DHDDS: variants seen among roughly 807,000 people sequenced by gnomAD.
DHDDS encodes dehydrodolichyl diphosphate synthase subunit, also known as dehydrodolichyl diphosphate synthase complex subunit DHDDS.
DHDDS carries 16 observed loss-of-function variants against 46.2 expected under a neutral mutation model. That is an observed-to-expected ratio of 0.35 (90% CI 0.23 to 0.53). The LOEUF is 0.53. Among genes scored for constraint, DHDDS ranks in the 20% least tolerant of loss-of-function variants. DHDDS has a pLI of 0.94. For missense variants in DHDDS, 340 were observed against 423.7 expected (o/e 0.80, Z 1.73); for synonymous variants, 151 against 163.1 (o/e 0.93, Z 0.56).
chr1:26,456,835 T>C (rs2075374268), intron 6 of DHDDS, among the ~76,000 whole-genome samples: 1 of 152,272 alleles, frequency 6.6e-6, no homozygotes, highest in African/African-American at 2.4e-5. Context: ...TGTATACTTA[T>C]ATGCACGTGT....
intron 6 of DHDDS, among the ~76,000 whole-genome samples, chr1:26,448,924 A>G (rs1050678255): frequency 1.3e-5 from 2 of 152,304 alleles, no homozygotes; most frequent in South Asian, 4.1e-4. Flanking sequence ...CTAGGAAACT[A>G]GATTAAAAAT....
At chr1:26,468,068 C>T (rs1487515829) in intron 8 of DHDDS, among the ~76,000 whole-genome samples, 1 of 152,220 alleles carries the variant, frequency 6.6e-6, no homozygotes, top group African/African-American at 2.4e-5. Context: ...ATGATCACCA[C>T]CTGGTGTCAG....
chr1:26,449,661 C>T (rs994833848), intron 6 of DHDDS, among the ~76,000 whole-genome samples: 6 of 151,990 alleles, frequency 3.9e-5, no homozygotes, highest in African/African-American at 1.4e-4. Flanking sequence ...TGGGCTCAAG[C>T]GATTCTTCTG....
chr1:26,468,820 C>G (rs1462482862), intron 8 of DHDDS, 75 bp from the exon 9 acceptor site: 2 of 1,536,134 alleles, frequency 1.3e-6, no homozygotes, highest in South Asian at 2.3e-5. Context: ...TGCCCCACCC[C>G]CTACCTCCTC....
At chr1:26,457,998 C>T (rs1410555018) in intron 7 of DHDDS, 93 bp downstream of exon 7, 34 of 1,079,062 alleles carry the variant, frequency 3.2e-5, no homozygotes, top group Non-Finnish European at 4.5e-5. Context: ...CACTCCCAAA[C>T]AGGCTGGGGC....
Position 26,442,726 on chromosome 1 carries a change from C to G in DHDDS, c.181-5C>G. The G allele has an allele frequency of 6.2e-7, 1 of 1,614,164 alleles. No individual in the cohort carries two copies. Among genetic ancestry groups the G allele is most frequent in the East Asian group, 2.2e-5 (1 of 44,884 alleles). Reference sequence around the variant, plus strand: ...ATCCTAGCTCCTTGCCTTCTCCCCTCTCAGACTCTGCGGTGGTGTTTGAAC... The same window carrying G: ...ATCCTAGCTCCTTGCCTTCTCCCCTGTCAGACTCTGCGGTGGTGTTTGAAC... On this transcript the variant is annotated splice_polypyrimidine_tract_variant and splice_region_variant and intron_variant, in intron 3 of 8. Transcript: ENST00000236342.
intron 6 of DHDDS, among the ~76,000 whole-genome samples, chr1:26,456,843 T>A (rs1295461426): frequency 6.6e-6 from 1 of 152,268 alleles, no homozygotes; most frequent in African/African-American, 2.4e-5. Context: ...TATATGCACG[T>A]GTGAATGTTT....
At chr1:26,454,231 G>A (rs561403235) in intron 6 of DHDDS, among the ~76,000 whole-genome samples, 3 of 152,242 alleles carry the variant, frequency 2.0e-5, no homozygotes, top group Non-Finnish European at 4.4e-5. Flanking sequence ...GGGATTACAG[G>A]CGTGAGCCAC....
At chr1:26,451,025 A>G (rs934676463) in intron 6 of DHDDS, among the ~76,000 whole-genome samples, 3 of 152,160 alleles carry the variant, frequency 2.0e-5, no homozygotes, top group African/African-American at 7.2e-5. Context: ...CCCTCATACC[A>G]CATTACAGTA....
At chr1:26,432,843 T>G (rs143886496) in intron 1 of DHDDS, 48 bp from the exon 2 acceptor site, 1 of 1,257,614 alleles carries the variant, frequency 8.0e-7, no homozygotes, top group African/African-American at 1.5e-5. Context: ...CAGTTATAGC[T>G]CTTCGCAAAC....
chr1:26,470,078 T>G lies in DHDDS; in HGVS notation c.*947T>G, dbSNP rs2075538159. Reference sequence around the variant, plus strand: ...TTGACCTGGCTCCCTAAGTAGGCCCTAGATGATTTATTCTTGGCATGGCAA... The same window carrying G: ...TTGACCTGGCTCCCTAAGTAGGCCCGAGATGATTTATTCTTGGCATGGCAA... On this transcript the variant is annotated 3_prime_UTR_variant, in exon 9 of 9. Coordinates refer to ENST00000236342, the MANE Select transcript of DHDDS (RefSeq NM_205861.3). 6.6e-6 allele frequency: 1 copy of G among 152,238 alleles called. No homozygotes were observed. The highest frequency in any genetic ancestry group is 1.5e-5 in the Non-Finnish European group (1 of 68,068). The allele number at this position is 152,238 out of a possible 1,614,324, so 9.4% of individuals were successfully genotyped here.
rs1298371673 is a variant in DHDDS at position 26,446,352 on chromosome 1, C to A, written c.360C>A (p.Val120=). The change falls in exon 5 of 9, where the codon GTC becomes GTA. Residue 120 remains valine (V), a synonymous_variant. Coordinates refer to ENST00000236342, the MANE Select transcript of DHDDS (RefSeq NM_205861.3). The part of the protein sequence containing the change: ...KLQKHGVCIR[V]LGDLHLLPLD... ...AGAAGCATGGGGTGTGTATCCGGGT[C>A]CTGGGCGATCTGCACTTGTTGCCCT... The A allele has an allele frequency of 3.7e-6, 6 of 1,614,044 alleles. No homozygotes were observed. The highest frequency in any genetic ancestry group is 4.2e-6 in the Non-Finnish European group (5 of 1,179,948).
chr1:26,432,505 C>G (rs915719183), intron 1 of DHDDS, 129 bp downstream of exon 1: 1 of 238,880 alleles, frequency 4.2e-6, no homozygotes, highest in African/African-American at 2.3e-5. Context: ...ACTAGGCGTG[C>G]GATAACTGAA....
At chr1:26,452,052 C>T (rs2075327065) in intron 6 of DHDDS, among the ~76,000 whole-genome samples, 1 of 151,352 alleles carries the variant, frequency 6.6e-6, no homozygotes, top group Admixed American at 6.6e-5. Flanking sequence ...TGGCCTGTTT[C>T]GTTTTGTTTT....
chr1:26,459,405 A>G (rs2075401424), intron 7 of DHDDS, among the ~76,000 whole-genome samples: 3 of 152,246 alleles, frequency 2.0e-5, no homozygotes, highest in Admixed American at 1.3e-4. Context: ...ATCAGTGATT[A>G]TTATTAAAGT....
At chr1:26,446,860 A>G (rs1374024116) in intron 5 of DHDDS, among the ~76,000 whole-genome samples, 1 of 152,226 alleles carries the variant, frequency 6.6e-6, no homozygotes, top group Non-Finnish European at 1.5e-5. Flanking sequence ...TGTACAGGGG[A>G]ATAGAGTTCA....
At chr1:26,459,420 C>G (rs757076410) in intron 7 of DHDDS, among the ~76,000 whole-genome samples, 1 of 152,248 alleles carries the variant, frequency 6.6e-6, no homozygotes, top group Non-Finnish European at 1.5e-5. Flanking sequence ...TAAAGTACAC[C>G]TGGCTCTTTG....
rs766371067 is a variant in DHDDS at position 26,442,824 on chromosome 1, G to A, written c.274G>A (p.Gly92Arg). ...CAAACGCTCCAAGAGTGAGGTAGAC[G>A]GGCTTATGGATCTGGCCCGGCAGAA... Reference protein sequence around the residue: ...NFKRSKSEVDGLMDLARQKFS... With the variant: ...NFKRSKSEVDRLMDLARQKFS... Residue 92 changes from glycine to arginine, a missense_variant, in exon 4 of 9, where the codon GGG becomes AGG. Physicochemically the swap from Gly to Arg is moderately radical, Grantham distance 125. This residue lies in a region of DHDDS where 72 missense variants were observed against 123.5 expected (regional missense o/e 0.58). Coordinates refer to ENST00000236342, the MANE Select transcript of DHDDS (RefSeq NM_205861.3). 12 of 1,614,098 alleles carry A rather than the reference G, an allele frequency of 7.4e-6. No individual in the cohort carries two copies. The highest frequency in any genetic ancestry group is 1.6e-4 in the Middle Eastern group (1 of 6,062).
chr1:26,449,511 C>A (rs1356630063), intron 6 of DHDDS, among the ~76,000 whole-genome samples: 1 of 152,164 alleles, frequency 6.6e-6, no homozygotes, highest in Non-Finnish European at 1.5e-5. Flanking sequence ...AGCAGTCCTC[C>A]CACTTCAGCC....
Sources: allele counts gnomAD v4.1 joint callset (sites outside exome capture counted in the v4.1 genomes callset), GRCh38; gene constraint gnomAD v4.1.1; regional missense constraint gnomAD v4.1.1; transcripts MANE v1.5; gene names NCBI Gene and HGNC (gene_info 2026-07-23, HGNC 2026-07-21).